COL25A1: variants seen among roughly 807,000 people sequenced by gnomAD.
COL25A1 encodes the protein collagen type XXV alpha 1 chain.
In COL25A1, 103 loss-of-function variants were observed where a neutral mutation model predicts 128.4. That is an observed-to-expected ratio of 0.80 (90% confidence interval 0.68 to 0.94). The LOEUF is 0.94. Among genes scored for constraint, COL25A1 ranks in the 40% least tolerant of loss-of-function variants. COL25A1 has a pLI of 0.00. For synonymous variants in COL25A1, 279 were observed against 277.2 expected (o/e 1.01, Z -0.06); for missense variants, 745 against 840.0 (o/e 0.89, Z 1.40).
intron 32 of COL25A1, among the ~76,000 whole-genome samples, chr4:108,831,462 A>T (rs1377135291): frequency 6.6e-6 from 1 of 152,204 alleles, no homozygotes; most frequent in Non-Finnish European, 1.5e-5. Flanking sequence ...AAAGCAAATT[A>T]TCTCAGACTG....
intron 3 of COL25A1, among the ~76,000 whole-genome samples, chr4:109,174,554 T>C (rs1773897102): frequency 6.6e-6 from 1 of 152,140 alleles, no homozygotes; most frequent in African/African-American, 2.4e-5. Flanking sequence ...ACATTGCTCC[T>C]GGGTGCAACC....
intron 3 of COL25A1, among the ~76,000 whole-genome samples, chr4:109,250,076 A>G (rs1011976673): frequency 2.6e-5 from 4 of 152,150 alleles, no homozygotes; most frequent in Non-Finnish European, 5.9e-5. Flanking sequence ...TAATAGCTTA[A>G]GAGTTTGAAG....
At chr4:109,202,487 G>A (rs1776628599) in intron 3 of COL25A1, among the ~76,000 whole-genome samples, 1 of 151,530 alleles carries the variant, frequency 6.6e-6, no homozygotes, top group Non-Finnish European at 1.5e-5. Context: ...TGACCTGAAT[G>A]CAAAATGCAA....
intron 3 of COL25A1, among the ~76,000 whole-genome samples, chr4:109,064,672 A>G (rs1344681709): frequency 6.6e-6 from 1 of 152,240 alleles, no homozygotes; most frequent in Non-Finnish European, 1.5e-5. Flanking sequence ...CATTGTCATT[A>G]AGTTCTACAG....
At chr4:108,831,023 C>A (rs1403920293) in intron 32 of COL25A1, among the ~76,000 whole-genome samples, 2 of 152,180 alleles carry the variant, frequency 1.3e-5, no homozygotes, top group Non-Finnish European at 2.9e-5. Flanking sequence ...TACAAGCATT[C>A]TTGGATAAAG....
At chr4:109,028,430 T>C (rs1196472621) in intron 5 of COL25A1, among the ~76,000 whole-genome samples, 4 of 151,826 alleles carry the variant, frequency 2.6e-5, no homozygotes. Flanking sequence ...GTAGAAATCA[T>C]GAAGAAGAAA....
intron 3 of COL25A1, among the ~76,000 whole-genome samples, chr4:109,250,672 G>A (rs1780586836): frequency 6.6e-6 from 1 of 152,174 alleles, no homozygotes; most frequent in African/African-American, 2.4e-5. Flanking sequence ...CCTTTCAGTG[G>A]CTTGGAAGAG....
At chr4:108,942,191 T>C (rs973798691) in intron 8 of COL25A1, 17 of 1,549,702 alleles carry the variant, frequency 1.1e-5, no homozygotes, top group Non-Finnish European at 1.3e-5. Context: ...TGTGCAGGCA[T>C]GAGTGACAAC....
chr4:109,234,796 C>A (rs1779363541), intron 3 of COL25A1, among the ~76,000 whole-genome samples: 1 of 152,012 alleles, frequency 6.6e-6, no homozygotes, highest in Non-Finnish European at 1.5e-5. Context: ...ATAAGAACAG[C>A]AAGTTGTGGA....
At chr4:109,194,877 C>T (rs766796263) in intron 3 of COL25A1, among the ~76,000 whole-genome samples, 53 of 152,134 alleles carry the variant, frequency 3.5e-4, no homozygotes, top group Non-Finnish European at 4.7e-4. Flanking sequence ...TATAATGTGA[C>T]ACCCTCCCAT....
At chr4:109,232,370 T>C (rs1165671972) in intron 3 of COL25A1, among the ~76,000 whole-genome samples, 2 of 152,162 alleles carry the variant, frequency 1.3e-5, no homozygotes, top group Non-Finnish European at 2.9e-5. Context: ...ACTTTAGATA[T>C]TGAATGAGAA....
At chr4:108,960,758 T>C (rs2125967032) in intron 8 of COL25A1, among the ~76,000 whole-genome samples, 1 of 152,202 alleles carries the variant, frequency 6.6e-6, no homozygotes, top group South Asian at 2.1e-4. Context: ...AAGTTTTCTC[T>C]AAGATCGAAG....
chr4:109,215,240 T>A (rs140493738), intron 3 of COL25A1, among the ~76,000 whole-genome samples: 62 of 152,312 alleles, frequency 4.1e-4, no homozygotes, highest in African/African-American at 1.0e-3. Context: ...AAAATGAAGA[T>A]TTGTTTTCTT....
chr4:108,864,724 G>A (rs779933541), intron 20 of COL25A1, among the ~76,000 whole-genome samples: 10 of 152,212 alleles, frequency 6.6e-5, no homozygotes, highest in Admixed American at 2.0e-4. Context: ...CCTGAAGGAT[G>A]AGTAGGGTTT....
At chr4:109,001,114 T>C (rs543126448) in intron 6 of COL25A1, among the ~76,000 whole-genome samples, 2 of 152,334 alleles carry the variant, frequency 1.3e-5, no homozygotes, top group East Asian at 1.9e-4. Flanking sequence ...CTAGATTCTA[T>C]TGTATTCTAA....
intron 20 of COL25A1, among the ~76,000 whole-genome samples, chr4:108,866,667 C>G (rs1219954707): frequency 6.6e-6 from 1 of 152,178 alleles, no homozygotes; most frequent in African/African-American, 2.4e-5. Flanking sequence ...TTTAGTGGTA[C>G]AAATCCAGAC....
At chr4:109,107,574 G>C (rs921898507) in intron 3 of COL25A1, among the ~76,000 whole-genome samples, 1 of 152,140 alleles carries the variant, frequency 6.6e-6, no homozygotes, top group African/African-American at 2.4e-5. Context: ...TGGAGGTGAG[G>C]AGAAGAAAAG....
At chr4:108,946,542 C>A (rs993596750) in intron 8 of COL25A1, among the ~76,000 whole-genome samples, 13 of 152,146 alleles carry the variant, frequency 8.5e-5, no homozygotes, top group African/African-American at 2.7e-4. Context: ...ATTTAAAAAG[C>A]ATTTGTTGAG....
intron 5 of COL25A1, among the ~76,000 whole-genome samples, chr4:109,037,669 C>T (rs1488464642): frequency 6.6e-6 from 1 of 152,154 alleles, no homozygotes; most frequent in African/African-American, 2.4e-5. Context: ...AAAATGTAAG[C>T]CTTCCACAGC....
Sources: gnomAD v4.1 joint callset for allele counts (sites outside exome capture counted in the v4.1 genomes callset) on GRCh38, gnomAD v4.1.1 for gene constraint, MANE v1.5 for transcripts, NCBI Gene and HGNC (gene_info 2026-07-23, HGNC 2026-07-21) for gene names.